The following IMPA1 variants were observed in gnomAD, a reference collection of about 807,000 sequenced individuals.
The protein encoded by IMPA1 is inositol monophosphatase 1.
IMPA1 carries 21 observed loss-of-function variants against 34.9 expected under a neutral mutation model. The observed-to-expected ratio is 0.60, with a 90% CI of 0.43 to 0.87. The LOEUF is 0.87. Among genes scored for constraint, IMPA1 ranks in the 40% least tolerant of loss-of-function variants. The pLI, the probability that IMPA1 is intolerant of heterozygous loss-of-function variation, is 0.00. For missense variants in IMPA1, 299 were observed against 336.4 expected (o/e 0.89, Z 0.87); for synonymous variants, 95 against 104.4 (o/e 0.91, Z 0.55).
chr8:81,672,631 C>A (rs1807018607), intron 6 of IMPA1, among the ~76,000 whole-genome samples: 1 of 152,186 alleles, frequency 6.6e-6, no homozygotes, highest in East Asian at 1.9e-4. Flanking sequence ...GGAGCACTCT[C>A]CAAGGTAATC....
At position 81,681,529 on chromosome 8, in the gene IMPA1, T is replaced by C. The variant is rs747219000; in HGVS notation, c.32A>G (p.Tyr11Cys). The change falls in exon 2 of 9, where the codon TAT (tyrosine) becomes TGT (cysteine). Residue 11 changes from tyrosine (Y) to cysteine (C), a missense_variant. Tyr to Cys is a radical substitution (Grantham distance 194). Transcript: ENST00000256108. ...AGCTTGTCTTGCTAGAGTTACTGCA[T>C]AATCCATGCATTCCTGCCAAGGATC... MADPWQECMDYAVTLARQAGE... is the reference protein window; with the variant it reads MADPWQECMDCAVTLARQAGE... The C allele has an allele frequency of 1.9e-6, 3 of 1,607,860 alleles. No individual in the cohort carries two copies. The highest frequency in any genetic ancestry group is 2.6e-6 in the Non-Finnish European group (3 of 1,174,942).
In IMPA1 at chr8:81,662,933, C is replaced by G. The variant is rs150896047; in HGVS notation, c.567-2266G>C. ...CCTCATAAATGTTGGTTCTTAGGAA[C>G]CTATTAGACTATTTCTGCTTATTTA... On this transcript the variant is annotated intron_variant, in intron 7 of 8. Coordinates refer to ENST00000256108, the MANE Select transcript of IMPA1 (RefSeq NM_005536.4). 9.7e-4 allele frequency among the ~76,000 whole-genome samples: 147 copies of G among 152,208 alleles called. 1 individual carries two copies. The highest frequency in any genetic ancestry group is 3.4e-3 in the African/African-American group (141 of 41,530).
At chr8:81,680,983 T>A (rs951657201) in intron 2 of IMPA1, among the ~76,000 whole-genome samples, 200 bp from the exon 3 acceptor site, 1 of 152,188 alleles carries the variant, frequency 6.6e-6, no homozygotes, top group Non-Finnish European at 1.5e-5. Context: ...TAATCTTACA[T>A]CTTATTTTAG....
rs899824237 is a variant in IMPA1 at position 81,657,159 on chromosome 8, A to T, written c.*2192T>A. On this transcript the variant is annotated 3_prime_UTR_variant, in exon 9 of 9. Coordinates refer to ENST00000256108, the MANE Select transcript of IMPA1 (RefSeq NM_005536.4). ...ACACAAAATATGCAACTGCATTTAG[A>T]ATAAACAGATGGAAAAGCTATTGTA... 1.3e-4 allele frequency among the ~76,000 whole-genome samples: 20 copies of T among 152,228 alleles called. No homozygotes were observed. Among genetic ancestry groups the T allele is most frequent in the Admixed American group, 3.9e-4 (6 of 15,280 alleles).
intron 1 of IMPA1, among the ~76,000 whole-genome samples, chr8:81,684,631 G>GCATCTTTAGATATATATATCTAGTA (rs1563592656): frequency 1.0e-5 from 1 of 100,022 alleles, no homozygotes; most frequent in African/African-American, 3.8e-5. Flanking sequence ...CTACACATAA[G>GCATCTTTAGATATATATATCTAGTA]TATATATACT....
intron 6 of IMPA1, among the ~76,000 whole-genome samples, chr8:81,671,568 G>T (rs1264195994): frequency 6.6e-6 from 1 of 152,128 alleles, no homozygotes; most frequent in Non-Finnish European, 1.5e-5. Context: ...TGTTTGATCT[G>T]AGCATTTCTG....
At chr8:81,671,821 C>T (rs1563585229) in intron 6 of IMPA1, among the ~76,000 whole-genome samples, 2 of 151,940 alleles carry the variant, frequency 1.3e-5, no homozygotes, top group Admixed American at 6.6e-5. Flanking sequence ...AGCTTAAACC[C>T]GGGAGGCGGA....
rs1411532025 is a variant in IMPA1 at position 81,657,652 on chromosome 8, G to A, written c.*1699C>T. ...TAACTTTAATAATGTAAATATCATG[G>A]CCTGGCTCGGTGGCTCACATCTGTA... On this transcript the variant is annotated 3_prime_UTR_variant, in exon 9 of 9. Transcript: ENST00000256108. 6.6e-6 allele frequency among the ~76,000 whole-genome samples: 1 copy of A among 152,074 alleles called. No homozygotes were observed. Among genetic ancestry groups the A allele is most frequent in the Non-Finnish European group, 1.5e-5 (1 of 68,016 alleles).
At chr8:81,678,335 C>T (rs1807187745) in intron 4 of IMPA1, among the ~76,000 whole-genome samples, 1 of 152,138 alleles carries the variant, frequency 6.6e-6, no homozygotes, top group Non-Finnish European at 1.5e-5. Flanking sequence ...ATTAGTTTTA[C>T]TAAAATACAA....
intron 7 of IMPA1, 42 bp downstream of exon 7, chr8:81,670,897 A>C (rs748363091): frequency 2.0e-6 from 2 of 988,616 alleles, no homozygotes; most frequent in South Asian, 1.6e-5. Flanking sequence ...GCACACACAC[A>C]CGTATACAAA....
chr8:81,677,068 G>A (rs565954345), intron 4 of IMPA1, among the ~76,000 whole-genome samples: 7 of 150,586 alleles, frequency 4.6e-5, no homozygotes, highest in East Asian at 3.9e-4. Context: ...CTTTTAAATC[G>A]ATTTGGTTAA....
chr8:81,675,876 C>G (rs1264652056), intron 5 of IMPA1, among the ~76,000 whole-genome samples: 4 of 152,206 alleles, frequency 2.6e-5, no homozygotes, highest in Non-Finnish European at 5.9e-5. Flanking sequence ...TCTTCACTAA[C>G]ACCTACTAAA....
chr8:81,677,842 T>C (rs1001125281), intron 4 of IMPA1, among the ~76,000 whole-genome samples: 2 of 152,216 alleles, frequency 1.3e-5, no homozygotes, highest in Non-Finnish European at 2.9e-5. Flanking sequence ...ATAGTACAGA[T>C]GTGTACAACT....
intron 4 of IMPA1, among the ~76,000 whole-genome samples, chr8:81,677,097 A>ATT (rs201175205): frequency 4.8e-5 from 7 of 145,968 alleles, no homozygotes; most frequent in African/African-American, 1.0e-4. Flanking sequence ...TATTTTAGTG[A>ATT]TTTTTTTTTT....
intron 6 of IMPA1, among the ~76,000 whole-genome samples, chr8:81,671,559 G>A (rs1806989184): frequency 6.6e-6 from 1 of 152,178 alleles, no homozygotes; most frequent in Admixed American, 6.5e-5. Flanking sequence ...CACCAGCTGT[G>A]TTTGATCTGA....
Position 81,684,567 on chromosome 8 carries a change from AG to A in IMPA1, c.-25+1684del, listed in dbSNP as rs1160446442. Among the ~76,000 whole-genome samples, 1,000 of 143,210 alleles carry A rather than the reference AG, an allele frequency of 7.0e-3. 86 individuals carry two copies. The highest frequency in any genetic ancestry group is 8.8e-3 in the Non-Finnish European group (582 of 65,786). The allele number at this position is 143,210 out of a possible 152,430, so 94.0% of individuals were successfully genotyped here. On this transcript the variant is annotated intron_variant, in intron 1 of 8. Coordinates refer to ENST00000256108, the MANE Select transcript of IMPA1 (RefSeq NM_005536.4). ...TAAGTATCTTTAGATACTAATGTGT[AG>A]TATATATACTACACATAAGTATCTT... is the stretch of plus-strand genomic sequence containing the variant.
At position 81,679,206 on chromosome 8, in the gene IMPA1, T is replaced by C; in HGVS notation, c.222A>G (p.Ala74=). ...CGGTTAAGATACTTTTTTCCCCAGC[T>C]GCCACAGATTCTTCACCAATGAAAC... ...SHSFIGEESV[A]AGEKSILTDN... The change falls in exon 4 of 9, where the codon GCA becomes GCG. Residue 74 remains alanine (A), a synonymous_variant. Coordinates refer to ENST00000256108, the MANE Select transcript of IMPA1 (RefSeq NM_005536.4). 2.5e-6 allele frequency: 4 copies of C among 1,613,792 alleles called. No homozygotes were observed. The highest frequency in any genetic ancestry group is 2.5e-6 in the Non-Finnish European group (3 of 1,179,694).
chr8:81,681,965 G>C (rs1201395694), intron 1 of IMPA1, among the ~76,000 whole-genome samples: 1 of 152,082 alleles, frequency 6.6e-6, no homozygotes, highest in Non-Finnish European at 1.5e-5. Context: ...TGAAATAAAA[G>C]AAGCTTGAAG....
chr8:81,685,426 T>C (rs898040694), intron 1 of IMPA1, among the ~76,000 whole-genome samples: 3 of 140,862 alleles, frequency 2.1e-5, no homozygotes, highest in African/African-American at 5.1e-5. Flanking sequence ...TATATAAGTA[T>C]GTATACCTAA....
Sources: gnomAD v4.1 joint callset for allele counts (sites outside exome capture counted in the v4.1 genomes callset) on GRCh38, gnomAD v4.1.1 for gene constraint, MANE v1.5 for transcripts, NCBI Gene and HGNC (gene_info 2026-07-23, HGNC 2026-07-21) for gene names.